Variants in NRXN3 observed in about 807,000 individuals in gnomAD.
NRXN3 encodes the protein neurexin 3.
A neutral mutation model predicts 137.6 loss-of-function variants in NRXN3; 32 were observed. The ratio of observed to expected loss-of-function variants is 0.23; its 90% CI spans 0.18 to 0.31. The LOEUF is 0.31. NRXN3 is among the 10% of genes least tolerant of loss of function. NRXN3 has a pLI of 1.00. For missense variants in NRXN3, 1,574 were observed against 2,062.5 expected (o/e 0.76, Z 4.59); for synonymous variants, 798 against 784.5 (o/e 1.02, Z -0.29).
At chr14:78,380,596 TAAGAA>T (rs2088893157) in intron 4 of NRXN3, among the ~76,000 whole-genome samples, 1 of 152,116 alleles carries the variant, frequency 6.6e-6, no homozygotes, top group Non-Finnish European at 1.5e-5. Context: ...CTGGAGGAAT[TAAGAA>T]AAGATTCTTC....
At chr14:78,588,810 T>C (rs1302701680) in intron 4 of NRXN3, among the ~76,000 whole-genome samples, 1 of 152,218 alleles carries the variant, frequency 6.6e-6, no homozygotes, top group Non-Finnish European at 1.5e-5. Flanking sequence ...CTGCCTTGGC[T>C]CACAGAGTTT....
chr14:79,180,368 T>C (rs8007547), intron 15 of NRXN3, among the ~76,000 whole-genome samples: 150,908 of 152,304 alleles, frequency 0.99, 74,775 homozygotes, highest in Non-Finnish European at 1. Context: ...AATGGACTCA[T>C]TCCCCATTTT....
intron 15 of NRXN3, among the ~76,000 whole-genome samples, chr14:79,450,517 TC>T (rs1382311239): frequency 6.6e-6 from 1 of 152,104 alleles, no homozygotes; most frequent in African/African-American, 2.4e-5. Context: ...TTTACATATA[TC>T]ATAACATCAC....
intron 4 of NRXN3, among the ~76,000 whole-genome samples, chr14:78,437,032 A>G (rs907189288): frequency 6.6e-6 from 1 of 152,278 alleles, no homozygotes; most frequent in Non-Finnish European, 1.5e-5. Context: ...TATCCTTTCT[A>G]TGCCTCAGTT....
chr14:78,173,332 T>C (rs1566896687), intron 1 of NRXN3, among the ~76,000 whole-genome samples: 1 of 151,946 alleles, frequency 6.6e-6, no homozygotes, highest in Non-Finnish European at 1.5e-5. Context: ...AGGGGTTAAT[T>C]TGGTGAGGGG....
chr14:78,689,100 A>G (rs17757269), intron 6 of NRXN3, among the ~76,000 whole-genome samples: 14,192 of 152,134 alleles, frequency 0.093, 897 homozygotes, highest in Middle Eastern at 0.18. Context: ...TTAAATCTCA[A>G]ATCAGTGGGG....
intron 4 of NRXN3, among the ~76,000 whole-genome samples, chr14:78,515,498 T>G (rs962320536): frequency 6.6e-6 from 1 of 152,128 alleles, no homozygotes; most frequent in Non-Finnish European, 1.5e-5. Flanking sequence ...GCCTAGGAAG[T>G]GGCCTATGAA....
chr14:78,665,454 AG>A (rs1289935571), intron 6 of NRXN3, among the ~76,000 whole-genome samples: 2 of 152,162 alleles, frequency 1.3e-5, no homozygotes, highest in African/African-American at 4.8e-5. Flanking sequence ...GAACAGCATA[AG>A]GGTAACCACC....
intron 8 of NRXN3, among the ~76,000 whole-genome samples, chr14:78,782,158 A>G (rs1175061450): frequency 6.6e-6 from 1 of 152,148 alleles, no homozygotes; most frequent in Non-Finnish European, 1.5e-5. Context: ...TAGCAATAAC[A>G]TTTACCAGCT....
intron 4 of NRXN3, among the ~76,000 whole-genome samples, chr14:78,461,075 C>T (rs59819728): frequency 0.022 from 3,298 of 152,208 alleles, 115 homozygotes; most frequent in African/African-American, 0.072. Context: ...TTGTCAAATC[C>T]CTAATAACAA....
chr14:79,139,937 G>A (rs564156111), intron 15 of NRXN3, among the ~76,000 whole-genome samples: 11 of 148,662 alleles, frequency 7.4e-5, no homozygotes, highest in African/African-American at 2.7e-4. Context: ...CATATACATG[G>A]CATATATACA....
intron 9 of NRXN3, among the ~76,000 whole-genome samples, chr14:78,804,570 C>A (rs1483583350): frequency 6.6e-6 from 1 of 152,198 alleles, no homozygotes. Flanking sequence ...TAATACATAT[C>A]TATTTTACCT....
chr14:79,539,173 C>T (rs954617890), intron 16 of NRXN3, among the ~76,000 whole-genome samples: 8 of 151,938 alleles, frequency 5.3e-5, no homozygotes, highest in Admixed American at 4.6e-4. Context: ...CAATTACAGG[C>T]ATGCACCACC....
At chr14:79,664,042 A>G in intron 17 of NRXN3, 93 bp downstream of exon 17, 3 of 1,262,762 alleles carry the variant, frequency 2.4e-6, no homozygotes, top group Non-Finnish European at 2.3e-6. Context: ...ACCAAATTCC[A>G]GAACACTGAG....
At chr14:78,326,914 TTGAG>T (rs1375212941) in intron 4 of NRXN3, among the ~76,000 whole-genome samples, 1 of 141,468 alleles carries the variant, frequency 7.1e-6, no homozygotes, top group Non-Finnish European at 1.5e-5. Context: ...CTGTGTTGCC[TTGAG>T]TGAGTTACAA....
chr14:78,479,455 G>C (rs571950887), intron 4 of NRXN3, among the ~76,000 whole-genome samples: 1 of 152,298 alleles, frequency 6.6e-6, no homozygotes, highest in South Asian at 2.1e-4. Flanking sequence ...TGATACTGCT[G>C]GTTCTGGGGA....
intron 3 of NRXN3, among the ~76,000 whole-genome samples, chr14:78,288,537 A>G (rs1265587215): frequency 6.6e-6 from 1 of 152,178 alleles, no homozygotes; most frequent in Admixed American, 6.5e-5. Context: ...AATCCATCAC[A>G]CCATGATCTA....
chr14:79,020,161 T>C (rs373201075), intron 15 of NRXN3, among the ~76,000 whole-genome samples: 429 of 4,800 alleles, frequency 0.089, 3 homozygotes, highest in East Asian at 0.13. Context: ...TCCCTTCCCT[T>C]CCCTTCCCTT....
chr14:78,701,364 C>T (rs986861174), intron 6 of NRXN3, among the ~76,000 whole-genome samples: 2 of 152,192 alleles, frequency 1.3e-5, no homozygotes, highest in Admixed American at 6.5e-5. Context: ...AGTAATGACT[C>T]GCATTATCAG....
Sources: gnomAD v4.1 joint callset for allele counts (sites outside exome capture counted in the v4.1 genomes callset) on GRCh38, gnomAD v4.1.1 for gene constraint, MANE v1.5 for transcripts, NCBI Gene and HGNC (gene_info 2026-07-23, HGNC 2026-07-21) for gene names.